Variants in TSEN2 observed in about 807,000 individuals in gnomAD.
TSEN2 encodes the protein tRNA splicing endonuclease subunit 2.
TSEN2 carries 54 observed loss-of-function variants against 59.2 expected under a neutral mutation model. The ratio of observed to expected loss-of-function variants is 0.91; its 90% CI spans 0.73 to 1.14. The LOEUF (loss-of-function observed/expected upper bound fraction) is 1.14, where lower values mean the gene tolerates loss of function less well. Ranked by LOEUF, TSEN2 falls within the 50% of genes most tolerant of loss-of-function variation. TSEN2 has a pLI of 0.00. For missense variants in TSEN2, 636 were observed against 576.2 expected (o/e 1.10, Z -1.06); for synonymous variants, 195 against 198.2 (o/e 0.98, Z 0.14).
In TSEN2 at chr3:12,516,665, A is replaced by G. The variant is rs767177376; in HGVS notation, c.960+4A>G. On this transcript the variant is annotated splice_donor_region_variant and intron_variant, in intron 7 of 11. Transcript: ENST00000284995. ...TTTAAGTATTTACTATGAGAAGGTA[A>G]GATGCTTTGTTTACATACAACCCAC... 5.0e-6 allele frequency: 8 copies of G among 1,613,924 alleles called. No homozygotes were observed. The East Asian group carries it at 1.6e-4, about 31-fold the overall frequency.
intron 8 of TSEN2, among the ~76,000 whole-genome samples, chr3:12,520,785 CA>C (rs1005958945): frequency 3.0e-4 from 43 of 141,126 alleles, no homozygotes; most frequent in Middle Eastern, 3.6e-3. Flanking sequence ...GACTCCACCT[CA>C]AAAAAAAAAA....
At position 12,503,741 on chromosome 3, in the gene TSEN2, C is replaced by T. The variant is rs368182576; in HGVS notation, c.788C>T (p.Ala263Val). ...CATGAGTACGTGCTGGTCGAGGAAG[C>T]GGAGTGTGCCATGAGCGAGAGGGAG... is the stretch of plus-strand genomic sequence containing the variant. ...PDHEYVLVEE[A>V]ECAMSEREAA... is the part of the protein sequence containing the mutation. Residue 263 changes from alanine to valine, a missense_variant, in exon 5 of 12, where the codon GCG becomes GTG. Transcript: ENST00000284995. 39 of 1,614,018 alleles carry T rather than the reference C, an allele frequency of 2.4e-5. No homozygotes were observed. The highest frequency in any genetic ancestry group is 8.8e-5 in the South Asian group (8 of 91,066).
intron 5 of TSEN2, among the ~76,000 whole-genome samples, chr3:12,504,252 T>C (rs894833700): frequency 6.6e-6 from 1 of 152,120 alleles, no homozygotes; most frequent in Non-Finnish European, 1.5e-5. Flanking sequence ...CAAAGAAATA[T>C]CATGTAGACT....
chr3:12,523,526 CTTTTTTTTTTTTTT>C (rs546904336), intron 8 of TSEN2, among the ~76,000 whole-genome samples: 1 of 46,480 alleles, frequency 2.2e-5, no homozygotes, highest in Admixed American at 2.7e-4. Context: ...CTCTTTGATT[CTTTTTTTTTTTTTT>C]TTTTTTTTTT....
rs372964568 is a variant in TSEN2 at position 12,488,786 on chromosome 3, G to A, written c.-17-998G>A. 1.1e-4 allele frequency among the ~76,000 whole-genome samples: 16 copies of A among 152,304 alleles called. 1 individual carries two copies. The highest frequency in any genetic ancestry group is 7.8e-4 in the Admixed American group (12 of 15,300). On this transcript the variant is annotated intron_variant, in intron 1 of 11. Coordinates refer to ENST00000284995, the MANE Select transcript of TSEN2 (RefSeq NM_025265.4). ...GTCTGATTTTGAGAAAGAGTCATCA[G>A]ACAAAAGTAGATAGACCCTGCCTGT...
At chr3:12,499,320 A>G (rs1230153878) in intron 4 of TSEN2, among the ~76,000 whole-genome samples, 4 of 152,062 alleles carry the variant, frequency 2.6e-5, no homozygotes, top group Admixed American at 6.6e-5. Context: ...AGAATTCACT[A>G]TGTGTCAGGC....
At chr3:12,480,528 G>GGT (rs1553565213), upstream of TSEN2, among the ~76,000 whole-genome samples, 3 of 91,738 alleles carry the variant, frequency 3.3e-5, no homozygotes, top group African/African-American at 1.4e-4. Flanking sequence ...TTGTTTCTTT[G>GGT]TTTTTTTTTT....
At chr3:12,503,915 G>T (rs2054556701) in intron 5 of TSEN2, 131 bp downstream of exon 5, 1 of 1,197,216 alleles carries the variant, frequency 8.4e-7, no homozygotes, top group Non-Finnish European at 1.2e-6. Context: ...CAGGCTTTGG[G>T]CCACAGCAGC....
chr3:12,496,693 A>T (rs1467018609), intron 4 of TSEN2, 139 bp downstream of exon 4: 2 of 830,678 alleles, frequency 2.4e-6, no homozygotes, highest in African/African-American at 3.4e-5. Flanking sequence ...CTTGAAAATT[A>T]TGTTGGAATT....
chr3:12,518,820 C>T (rs771181139), intron 7 of TSEN2, among the ~76,000 whole-genome samples: 12 of 151,754 alleles, frequency 7.9e-5, no homozygotes, highest in Non-Finnish European at 1.5e-4. Flanking sequence ...AGGGCAGGAC[C>T]AGACCTTCTT....
rs1575481874 is a variant in TSEN2 at position 12,532,571 on chromosome 3, T to G, written c.1339-91T>G. On this transcript the variant is annotated intron_variant, in intron 11 of 11. Transcript: ENST00000284995. Reference sequence around the variant, plus strand: ...AGTATCATCATTATATAGACCGCCCTTTGTGAAATGTAGCTGTGGTGTCAG... The same window carrying G: ...AGTATCATCATTATATAGACCGCCCGTTGTGAAATGTAGCTGTGGTGTCAG... 6 of 1,287,064 alleles carry G rather than the reference T, an allele frequency of 4.7e-6. No homozygotes were observed. In the East Asian group the frequency reaches 1.4e-4, roughly 30 times the overall value. The allele number at this position is 1,287,064 out of a possible 1,614,324, so 79.7% of individuals were successfully genotyped here.
intron 10 of TSEN2, chr3:12,530,091 C>G: frequency 7.0e-7 from 1 of 1,418,822 alleles, no homozygotes. Flanking sequence ...TCCCTCCCAA[C>G]TGCTGCTGAG....
chr3:12,507,991 A>T (rs539127204), intron 6 of TSEN2, among the ~76,000 whole-genome samples: 3 of 152,252 alleles, frequency 2.0e-5, no homozygotes, highest in Non-Finnish European at 2.9e-5. Context: ...CGAATGCCAG[A>T]TGGGGGAGGG....
At chr3:12,495,830 C>T (rs2053692662) in intron 3 of TSEN2, among the ~76,000 whole-genome samples, 1 of 152,192 alleles carries the variant, frequency 6.6e-6, no homozygotes, top group African/African-American at 2.4e-5. Flanking sequence ...AAAACCCAGA[C>T]CACTGGGTGA....
chr3:12,494,850 G>A (rs1433962457), intron 3 of TSEN2, among the ~76,000 whole-genome samples: 1 of 151,762 alleles, frequency 6.6e-6, no homozygotes, highest in African/African-American at 2.4e-5. Context: ...GTTTGGCTGG[G>A]CATGGTGGCT....
chr3:12,508,010 T>C (rs1247584136), intron 6 of TSEN2, among the ~76,000 whole-genome samples: 4 of 152,124 alleles, frequency 2.6e-5, no homozygotes, highest in Admixed American at 2.6e-4. Context: ...GGTGTGTCCA[T>C]GAGTCAGGGT....
At chr3:12,504,336 C>G (rs539211917) in intron 5 of TSEN2, among the ~76,000 whole-genome samples, 1 of 152,256 alleles carries the variant, frequency 6.6e-6, no homozygotes, top group South Asian at 2.1e-4. Context: ...AATCCCAGCA[C>G]TTTGGGAGGA....
intron 5 of TSEN2, among the ~76,000 whole-genome samples, 159 bp from the exon 6 acceptor site, chr3:12,504,995 C>T (rs916327136): frequency 2.0e-5 from 3 of 151,958 alleles, no homozygotes; most frequent in Non-Finnish European, 4.4e-5. Context: ...AGCAAGAGTC[C>T]GTCTCAAAAA....
downstream of TSEN2, among the ~76,000 whole-genome samples, chr3:12,537,676 GC>G (rs2057706234): frequency 6.6e-6 from 1 of 152,140 alleles, no homozygotes; most frequent in Non-Finnish European, 1.5e-5. Flanking sequence ...GGGGTTAAGG[GC>G]ACAGCTTTCA....
Sources: allele counts gnomAD v4.1 joint callset (sites outside exome capture counted in the v4.1 genomes callset), GRCh38; gene constraint gnomAD v4.1.1; transcripts MANE v1.5; gene names NCBI Gene and HGNC (gene_info 2026-07-23, HGNC 2026-07-21).